The following CAST variants were observed in gnomAD, a reference collection of about 807,000 sequenced individuals.
The protein encoded by CAST is calpastatin.
CAST carries 76 observed loss-of-function variants against 119.6 expected under a neutral mutation model. That is an observed-to-expected ratio of 0.64 (90% CI 0.53 to 0.77). The LOEUF (loss-of-function observed/expected upper bound fraction) is 0.77. CAST is among the 30% of genes least tolerant of loss of function. CAST has a pLI of 0.00. For synonymous variants in CAST, 319 were observed against 331.6 expected (o/e 0.96, Z 0.41); for missense variants, 953 against 946.5 (o/e 1.01, Z -0.09).
the CAST span, among the ~76,000 whole-genome samples, chr5:96,469,711 A>G: frequency 6.6e-6 from 1 of 151,620 alleles, no homozygotes; most frequent in Non-Finnish European, 1.5e-5. Context: ...TACATCAAAT[A>G]CTGTTTTCTA....
the CAST span, among the ~76,000 whole-genome samples, chr5:96,114,437 T>C: frequency 6.6e-6 from 1 of 152,120 alleles, no homozygotes; most frequent in Non-Finnish European, 1.5e-5. Flanking sequence ...TCTGAGTAAA[T>C]CTGCCACCAC....
chr5:95,962,538 T>C, the CAST span, among the ~76,000 whole-genome samples: 1 of 152,134 alleles, frequency 6.6e-6, no homozygotes, highest in Admixed American at 6.5e-5. Context: ...TTGAAATTAG[T>C]GAGTCGACTC....
At chr5:96,424,790 C>T in the CAST span, among the ~76,000 whole-genome samples, 40 of 151,912 alleles carry the variant, frequency 2.6e-4, no homozygotes, top group East Asian at 7.6e-3. Context: ...TGACAAAACC[C>T]CATCTCTATT....
the CAST span, among the ~76,000 whole-genome samples, chr5:96,301,809 C>T: frequency 6.6e-6 from 1 of 152,240 alleles, no homozygotes; most frequent in Non-Finnish European, 1.5e-5. Flanking sequence ...CCTGTAGCTG[C>T]TTTCATGGAC....
intron 1 of CAST, among the ~76,000 whole-genome samples, chr5:96,588,672 C>T (rs1746906265): frequency 6.6e-6 from 1 of 152,082 alleles, no homozygotes; most frequent in Non-Finnish European, 1.5e-5. Context: ...AGAGAGTAAT[C>T]AATTTACACT....
At chr5:96,222,848 T>C in the CAST span, among the ~76,000 whole-genome samples, 1 of 152,160 alleles carries the variant, frequency 6.6e-6, no homozygotes, top group African/African-American at 2.4e-5. Flanking sequence ...ATAGCATAGA[T>C]ATGGAATCAA....
the CAST span, among the ~76,000 whole-genome samples, chr5:96,022,280 T>C: frequency 2.6e-5 from 4 of 152,202 alleles, no homozygotes; most frequent in African/African-American, 4.8e-5. Context: ...CCCAAATATA[T>C]GTCATATTGT....
the CAST span, among the ~76,000 whole-genome samples, chr5:96,240,640 T>C: frequency 7.1e-4 from 108 of 152,128 alleles, no homozygotes; most frequent in African/African-American, 2.5e-3. Flanking sequence ...CATAGTTCAC[T>C]GCAGCCTTGT....
chr5:96,540,274 C>T (rs35057722), intron 1 of CAST, among the ~76,000 whole-genome samples: 92,763 of 151,852 alleles, frequency 0.61, 28,700 homozygotes, highest in East Asian at 0.86. Context: ...ATTTTTATAA[C>T]CCCTATCTCC....
In CAST at chr5:96,685,188, C is replaced by T. The variant is rs568568341; in HGVS notation, c.138+9587C>T. ...TCTCTGAAGAGATTATATTTTATTG[C>T]TTGTGGAATCAGAGTAAAATACTAA... On this transcript the variant is annotated intron_variant, in intron 2 of 31. Transcript: ENST00000675179. Among the ~76,000 whole-genome samples the T allele has an allele frequency of 3.2e-4, 48 of 152,066 alleles. 1 individual carries two copies. The South Asian group carries it at 8.9e-3, about 28-fold the overall frequency.
intron 1 of CAST, among the ~76,000 whole-genome samples, chr5:96,609,107 T>C (rs1747314829): frequency 6.6e-6 from 1 of 152,248 alleles, no homozygotes; most frequent in East Asian, 1.9e-4. Flanking sequence ...ACCCTTCTTA[T>C]TGATCCTTGT....
chr5:96,685,698 T>C (rs547280668), intron 2 of CAST, among the ~76,000 whole-genome samples: 24 of 152,324 alleles, frequency 1.6e-4, no homozygotes, highest in South Asian at 1.2e-3. Context: ...GATAATGCAG[T>C]GATTATCAAC....
Position 96,546,111 on chromosome 5 carries a change from T to C in CAST, c.60+16231T>C, listed in dbSNP as rs529378280. 10 of 152,342 alleles carry C rather than the reference T, an allele frequency of 6.6e-5. No homozygotes were observed. The South Asian group carries it at 2.1e-3, about 32-fold the overall frequency. 9.4% of individuals were successfully genotyped at this position (152,342 alleles called of 1,614,324 possible). On this transcript the variant is annotated intron_variant, in intron 1 of 11. Transcript: ENST00000505143. ...CTGGGAGGATTTTCCTTTATTATAA[T>C]CCTGTAGGGTTACCTCTGAGTGTGA...
At chr5:96,448,037 C>T in the CAST span, among the ~76,000 whole-genome samples, 219 of 151,596 alleles carry the variant, frequency 1.4e-3, no homozygotes, top group African/African-American at 5.1e-3. Flanking sequence ...AAGATAAAAC[C>T]AGGGCCATTC....
At chr5:96,343,937 A>G in the CAST span, among the ~76,000 whole-genome samples, 1 of 152,208 alleles carries the variant, frequency 6.6e-6, no homozygotes, top group Non-Finnish European at 1.5e-5. Context: ...CTTGAAGGCA[A>G]GCATCTTTGT....
At chr5:96,050,872 G>T in the CAST span, among the ~76,000 whole-genome samples, 8 of 151,972 alleles carry the variant, frequency 5.3e-5, no homozygotes, top group African/African-American at 1.9e-4. Context: ...GTGGGTCCAG[G>T]GGCACTCCTG....
the CAST span, chr5:96,408,389 G>T: frequency 8.8e-7 from 1 of 1,136,454 alleles, no homozygotes; most frequent in Non-Finnish European, 1.3e-6. Context: ...CTGTCTTGGG[G>T]GTTAACTGTA....
chr5:95,963,331 T>C, the CAST span, among the ~76,000 whole-genome samples: 3 of 152,204 alleles, frequency 2.0e-5, no homozygotes, highest in Admixed American at 2.0e-4. Flanking sequence ...TCCTTTTTGA[T>C]TCAGACCTTC....
the CAST span, among the ~76,000 whole-genome samples, chr5:96,451,520 G>T: frequency 2.6e-5 from 4 of 152,072 alleles, no homozygotes; most frequent in Non-Finnish European, 5.9e-5. Flanking sequence ...TTAAACATAA[G>T]ACCTAAAACC....
Sources: allele counts gnomAD v4.1 joint callset (sites outside exome capture counted in the v4.1 genomes callset), GRCh38; gene constraint gnomAD v4.1.1; transcripts MANE v1.5; gene names NCBI Gene and HGNC (gene_info 2026-07-23, HGNC 2026-07-21).